The following BIN3 variants were observed in gnomAD, a reference collection of about 807,000 sequenced individuals.
BIN3 encodes bridging integrator 3.
In BIN3, 41 loss-of-function variants were observed where a neutral mutation model predicts 38.2. The ratio of observed to expected loss-of-function variants is 1.07; its 90% CI spans 0.84 to 1.39. The LOEUF (loss-of-function observed/expected upper bound fraction) is 1.39. BIN3 is among the 40% of genes most tolerant of loss of function. The probability of loss-of-function intolerance (pLI) is 0.00; values close to 1 mark genes in which losing one functional copy is unlikely to be tolerated. For synonymous variants in BIN3, 145 were observed against 122.6 expected, an observed-to-expected ratio of 1.18 and a Z score of -1.21; for missense variants, 361 against 324.3, an observed-to-expected ratio of 1.11 and a Z score of -0.87.
chr8:22,648,860 T>C (rs1802790719), intron 1 of BIN3, among the ~76,000 whole-genome samples: 1 of 152,206 alleles, frequency 6.6e-6, no homozygotes, highest in Non-Finnish European at 1.5e-5. Flanking sequence ...CTCTTTCAGT[T>C]GGCTTCTGTG....
In BIN3 at chr8:22,621,577, G is replaced by A. The variant is rs1202496304; in HGVS notation, c.616-9C>T. ...TCCGAGTAGTACACAACCTGGGGGA[G>A]GCGACAGGGGTTGGCACGTGCTGGC... On this transcript the variant is annotated splice_polypyrimidine_tract_variant and intron_variant, in intron 8 of 8. Coordinates refer to ENST00000276416, the MANE Select transcript of BIN3 (RefSeq NM_018688.6). 1 of 1,613,208 alleles carries A rather than the reference G, an allele frequency of 6.2e-7. No homozygotes were observed. The highest frequency in any genetic ancestry group is 1.3e-5 in the African/African-American group (1 of 74,924).
intron 1 of BIN3, among the ~76,000 whole-genome samples, chr8:22,666,355 TG>T (rs1420412367): frequency 1.9e-5 from 1 of 53,554 alleles, no homozygotes; most frequent in African/African-American, 7.7e-5. Flanking sequence ...AGGGGGTGAG[TG>T]GGGAGGAGAG....
rs1311948750 is a variant in BIN3 at position 22,628,677 on chromosome 8, T to C, written c.338+1287A>G. 2.0e-5 allele frequency among the ~76,000 whole-genome samples: 3 copies of C among 152,194 alleles called. No individual in the cohort carries two copies. In the East Asian group the frequency reaches 5.8e-4, roughly 29 times the overall value. On this transcript the variant is annotated intron_variant, in intron 6 of 8. Transcript: ENST00000276416. ...ACTGAGGTGGGAGTCAGTTCCCCAG[T>C]TCTCTGAGTCCCTGCCTCATTCTAC...
At chr8:22,665,718 A>AGG (rs879315482) in intron 1 of BIN3, among the ~76,000 whole-genome samples, 1 of 152,246 alleles carries the variant, frequency 6.6e-6, no homozygotes, top group Non-Finnish European at 1.5e-5. Context: ...CCAGGCCCAG[A>AGG]GGGCCTCAGA....
At chr8:22,638,683 G>A (rs953579722) in intron 2 of BIN3, among the ~76,000 whole-genome samples, 1 of 152,162 alleles carries the variant, frequency 6.6e-6, no homozygotes, top group Admixed American at 6.5e-5. Context: ...CATGGAGATA[G>A]CTTACCTTCC....
chr8:22,651,913 A>G (rs1018470490), intron 1 of BIN3, among the ~76,000 whole-genome samples: 26 of 149,012 alleles, frequency 1.7e-4, no homozygotes, highest in African/African-American at 5.9e-4. Flanking sequence ...GAAACTTACA[A>G]TTTCGATGCT....
chr8:22,652,210 T>C (rs1802923366), intron 1 of BIN3, among the ~76,000 whole-genome samples: 1 of 152,138 alleles, frequency 6.6e-6, no homozygotes, highest in Non-Finnish European at 1.5e-5. Context: ...TTATTTTCCA[T>C]ACTAAGTGCT....
intron 6 of BIN3, chr8:22,625,819 C>T (rs112953584): frequency 0.037 from 5,460 of 148,478 alleles, 159 homozygotes; most frequent in South Asian, 0.06. Context: ...AACTCCTGAC[C>T]TTGAGTAATC....
Position 22,651,986 on chromosome 8 carries a change from A to G in BIN3, c.9-7183T>C, listed in dbSNP as rs866090919. On this transcript the variant is annotated intron_variant, in intron 1 of 8. Transcript: ENST00000276416. The stretch of plus-strand genomic sequence containing the variant: ...ATTTCATCTTCTAACGCTTCTACCA[A>G]GTTTTTTTTTTTTTTCATTTCTGCT... Among the ~76,000 whole-genome samples, 124 of 129,476 alleles carry G rather than the reference A, an allele frequency of 9.6e-4. 4 individuals are homozygous for G. Among genetic ancestry groups the G allele is most frequent in the South Asian group, 5.7e-3 (21 of 3,672 alleles). 84.9% of individuals were successfully genotyped at this position (129,476 alleles called of 152,430 possible).
intron 5 of BIN3, among the ~76,000 whole-genome samples, 170 bp from the exon 6 acceptor site, chr8:22,630,174 G>A (rs1041662243): frequency 6.6e-6 from 1 of 152,254 alleles, no homozygotes; most frequent in Non-Finnish European, 1.5e-5. Context: ...GGCCACAGAA[G>A]CCTCAGGGGC....
intron 1 of BIN3, among the ~76,000 whole-genome samples, chr8:22,646,020 T>C (rs2117561468): frequency 6.6e-6 from 1 of 152,346 alleles, no homozygotes; most frequent in East Asian, 1.9e-4. Context: ...AGTCTCAACC[T>C]GAGCATTAGC....
At chr8:22,631,874 A>G (rs1272127248) in intron 4 of BIN3, among the ~76,000 whole-genome samples, 1 of 152,128 alleles carries the variant, frequency 6.6e-6, no homozygotes, top group Non-Finnish European at 1.5e-5. Flanking sequence ...GGTCCTGAAC[A>G]TGTTTTCAGG....
chr8:22,631,112 G>A (rs1428772091), intron 4 of BIN3, among the ~76,000 whole-genome samples: 1 of 152,054 alleles, frequency 6.6e-6, no homozygotes, highest in African/African-American at 2.4e-5. Flanking sequence ...AACTGCCAGC[G>A]ACAACACATA....
intron 6 of BIN3, 64 bp downstream of exon 6, chr8:22,629,900 C>G: frequency 2.1e-6 from 3 of 1,457,562 alleles, no homozygotes; most frequent in Non-Finnish European, 2.8e-6. Flanking sequence ...TCTTCAGTCC[C>G]CAAGTGGCTG....
At chr8:22,636,676 A>T in intron 3 of BIN3, 90 bp from the exon 4 acceptor site, 1 of 1,361,186 alleles carries the variant, frequency 7.3e-7, no homozygotes, top group Non-Finnish European at 1.0e-6. Context: ...GCCAAGGAGG[A>T]GGAGAAAGGG....
intron 1 of BIN3, among the ~76,000 whole-genome samples, chr8:22,650,903 T>C (rs150699910): frequency 6.6e-6 from 1 of 152,346 alleles, no homozygotes; most frequent in East Asian, 1.9e-4. Flanking sequence ...GTATAATAAC[T>C]TGGTTAGCTC....
At chr8:22,632,393 T>C (rs1294583316) in intron 4 of BIN3, among the ~76,000 whole-genome samples, 1 of 151,698 alleles carries the variant, frequency 6.6e-6, no homozygotes, top group Admixed American at 6.6e-5. Context: ...TCTGGGAGAG[T>C]GCTACAGTCA....
chr8:22,644,569 G>A, intron 2 of BIN3, 186 bp downstream of exon 2: 1 of 582,420 alleles, frequency 1.7e-6, no homozygotes, highest in Non-Finnish European at 3.1e-6. Flanking sequence ...CCTAGGGGAA[G>A]TGTCCCAGGA....
chr8:22,636,447 C>T, intron 4 of BIN3, 78 bp downstream of exon 4: 1 of 1,465,626 alleles, frequency 6.8e-7, no homozygotes, highest in Non-Finnish European at 9.3e-7. Context: ...CTTCAGAGCC[C>T]TTGGGGGGCT....
Sources: allele counts gnomAD v4.1 joint callset (sites outside exome capture counted in the v4.1 genomes callset), GRCh38; gene constraint gnomAD v4.1.1; transcripts MANE v1.5; gene names NCBI Gene and HGNC (gene_info 2026-07-23, HGNC 2026-07-21).